The following MCPH1 variants were observed in gnomAD, a reference collection of about 807,000 sequenced individuals.
The protein encoded by MCPH1 is microcephalin.
Under a neutral mutation model 84.5 loss-of-function variants are expected in MCPH1, and 104 were observed. The observed-to-expected ratio is 1.23, with a 90% CI of 1.05 to 1.45. The LOEUF is 1.45. Among genes scored for constraint, MCPH1 ranks in the 40% most tolerant of loss-of-function variants. MCPH1 has a pLI of 0.00. For synonymous variants in MCPH1, 514 were observed against 366.8 expected, an observed-to-expected ratio of 1.40 and a Z score of -4.58; for missense variants, 1,498 against 1,005.7, an observed-to-expected ratio of 1.49 and a Z score of -6.62.
In MCPH1 at chr8:6,446,530, G is replaced by C. The variant is rs1412563309; in HGVS notation, c.1825+983G>C. 4 of 983,888 alleles carry C rather than the reference G, an allele frequency of 4.1e-6. No homozygotes were observed. The South Asian group carries it at 1.4e-4, about 35-fold the overall frequency. 60.9% of individuals were successfully genotyped at this position (983,888 alleles called of 1,614,324 possible). ...TTTTTGGCCTGCTATTTATATCTTG[G>C]CTTTCTGAACATATATTAAATTTGA... On this transcript the variant is annotated intron_variant, in intron 8 of 13. Coordinates refer to ENST00000344683, the MANE Select transcript of MCPH1 (RefSeq NM_024596.5).
In MCPH1 at chr8:6,436,044, A is replaced by G. The variant is rs1802592866; in HGVS notation, c.322-4A>G. 6.2e-7 allele frequency: 1 copy of G among 1,613,376 alleles called. No homozygotes were observed. ...GCATTAATTTTTGTGTTCTTTTTGC[A>G]CAGCGTAAATGTATGCAGCCCAAAG... On this transcript the variant is annotated splice_polypyrimidine_tract_variant and splice_region_variant and intron_variant, in intron 4 of 13. Transcript: ENST00000344683.
chr8:6,626,338 G>A, intron 13 of MCPH1: 1 of 985,324 alleles, frequency 1.0e-6, no homozygotes, highest in Non-Finnish European at 1.2e-6. Flanking sequence ...GGGGTTATCG[G>A]AAAGGGCATG....
At chr8:6,522,341 C>G (rs541717849) in intron 12 of MCPH1, among the ~76,000 whole-genome samples, 1 of 150,938 alleles carries the variant, frequency 6.6e-6, no homozygotes, top group East Asian at 2.0e-4. Flanking sequence ...GGCGACAGAG[C>G]GAGACTCCGT....
chr8:6,417,154 G>A (rs544681173), intron 3 of MCPH1, among the ~76,000 whole-genome samples: 17 of 152,002 alleles, frequency 1.1e-4, no homozygotes, highest in African/African-American at 3.9e-4. Flanking sequence ...CATATGATTC[G>A]TTTTTGGCCA....
chr8:6,636,328 A>C (rs569671818), intron 13 of MCPH1, among the ~76,000 whole-genome samples: 2 of 145,128 alleles, frequency 1.4e-5, no homozygotes, highest in African/African-American at 5.2e-5. Flanking sequence ...TGACAGAGAG[A>C]CTGTCTCAAA....
At chr8:6,629,948 T>C (rs144447121) in intron 13 of MCPH1, among the ~76,000 whole-genome samples, 1 of 152,366 alleles carries the variant, frequency 6.6e-6, no homozygotes, top group East Asian at 1.9e-4. Flanking sequence ...CCACTGACTG[T>C]TGTGGTCTCA....
Position 6,630,814 on chromosome 8 carries a change from A to G in MCPH1, c.2452+9123A>G, listed in dbSNP as rs907248189. On this transcript the variant is annotated intron_variant, in intron 13 of 13. Transcript: ENST00000344683. ...AAAAACAAAAAAAAAAAACAATTAT[A>G]TATCAACAAAAAAAAGAAAATTTTA... Among the ~76,000 whole-genome samples the G allele has an allele frequency of 6.5e-4, 99 of 151,852 alleles. 1 individual carries two copies. The highest frequency in any genetic ancestry group is 2.2e-3 in the African/African-American group (93 of 41,448).
intron 11 of MCPH1, 149 bp downstream of exon 11, chr8:6,481,025 C>A: frequency 1.0e-6 from 1 of 994,140 alleles, no homozygotes; most frequent in Non-Finnish European, 1.5e-6. Flanking sequence ...GTCTTTCCTC[C>A]TGTTGGTCTC....
chr8:6,596,001 A>G (rs1215535602), intron 12 of MCPH1, among the ~76,000 whole-genome samples: 2 of 152,226 alleles, frequency 1.3e-5, no homozygotes, highest in Non-Finnish European at 2.9e-5. Flanking sequence ...CACATGAGAC[A>G]GTCTCTTTCT....
intron 12 of MCPH1, among the ~76,000 whole-genome samples, chr8:6,537,658 T>C (rs2129572929): frequency 6.6e-6 from 1 of 152,100 alleles, no homozygotes; most frequent in Non-Finnish European, 1.5e-5. Flanking sequence ...ACAGGAAAAA[T>C]AGGTCCATTT....
chr8:6,462,223 A>C (rs1806370145), intron 9 of MCPH1, among the ~76,000 whole-genome samples: 1 of 152,250 alleles, frequency 6.6e-6, no homozygotes, highest in Non-Finnish European at 1.5e-5. Flanking sequence ...AAAGTTTCTC[A>C]AATAGGGTGC....
chr8:6,527,621 G>A, intron 12 of MCPH1: 1 of 1,613,936 alleles, frequency 6.2e-7, no homozygotes. Context: ...CAATTTGTTT[G>A]TCGAGAGGGA....
At chr8:6,630,688 G>C (rs907677086) in intron 13 of MCPH1, among the ~76,000 whole-genome samples, 1 of 151,690 alleles carries the variant, frequency 6.6e-6, no homozygotes, top group Non-Finnish European at 1.5e-5. Context: ...GGCTGAGGCA[G>C]GAGAATCGCT....
intron 12 of MCPH1, among the ~76,000 whole-genome samples, chr8:6,540,681 T>C (rs1282931215): frequency 6.6e-6 from 1 of 152,274 alleles, no homozygotes; most frequent in Non-Finnish European, 1.5e-5. Context: ...TGTATGTGTG[T>C]GTACCTCTGT....
chr8:6,497,892 T>G (rs1480456391), intron 11 of MCPH1, among the ~76,000 whole-genome samples: 2 of 152,242 alleles, frequency 1.3e-5, no homozygotes, highest in African/African-American at 4.8e-5. Context: ...ACTTAAGGTT[T>G]TTATGATGTC....
chr8:6,432,799 G>C (rs531708465), intron 4 of MCPH1, among the ~76,000 whole-genome samples: 1 of 152,222 alleles, frequency 6.6e-6, no homozygotes. Context: ...CTGATTATAG[G>C]TGAACAAGTG....
chr8:6,514,797 G>T (rs1815918927), intron 12 of MCPH1: 2 of 1,609,666 alleles, frequency 1.2e-6, no homozygotes, highest in Non-Finnish European at 1.7e-6. Flanking sequence ...AGGAATGCAG[G>T]GTATAAGTGA....
At chr8:6,620,708 CT>C (rs1586831593) in intron 12 of MCPH1, among the ~76,000 whole-genome samples, 1 of 152,226 alleles carries the variant, frequency 6.6e-6, no homozygotes, top group Non-Finnish European at 1.5e-5. Context: ...CTGAAGAAGT[CT>C]TTACCAACCC....
At chr8:6,523,557 T>C (rs1381187637) in intron 12 of MCPH1, among the ~76,000 whole-genome samples, 1 of 152,158 alleles carries the variant, frequency 6.6e-6, no homozygotes, top group African/African-American at 2.4e-5. Flanking sequence ...CTCAAAGACA[T>C]GCACAGTCAA....
Sources: allele counts gnomAD v4.1 joint callset (sites outside exome capture counted in the v4.1 genomes callset), GRCh38; gene constraint gnomAD v4.1.1; transcripts MANE v1.5; gene names NCBI Gene and HGNC (gene_info 2026-07-23, HGNC 2026-07-21).